The following CORO1C variants were observed in gnomAD, a reference collection of about 807,000 sequenced individuals.
CORO1C encodes the protein coronin 1C, also known as coronin-1C.
Under a neutral mutation model 51.2 loss-of-function variants are expected in CORO1C, and 14 were observed. The observed-to-expected ratio is 0.27, with a 90% confidence interval of 0.18 to 0.43. The LOEUF is 0.43. Among genes scored for constraint, CORO1C ranks in the 20% least tolerant of loss-of-function variants. The pLI, the probability that CORO1C is intolerant of heterozygous loss-of-function variation, is 1.00. For synonymous variants in CORO1C, 181 were observed against 210.5 expected, an observed-to-expected ratio of 0.86 and a Z score of 1.21; for missense variants, 417 against 607.8, an observed-to-expected ratio of 0.69 and a Z score of 3.30.
intron 2 of CORO1C, among the ~76,000 whole-genome samples, chr12:108,679,220 C>CCTA (rs1478565065): frequency 6.7e-6 from 1 of 148,868 alleles, no homozygotes; most frequent in Non-Finnish European, 1.5e-5. Flanking sequence ...GCCTAAAGAG[C>CCTA]CTACTACATT....
intron 7 of CORO1C, among the ~76,000 whole-genome samples, chr12:108,653,702 A>G (rs1330599986): frequency 6.6e-6 from 1 of 152,160 alleles, no homozygotes; most frequent in East Asian, 1.9e-4. Context: ...GAGTCTCCCT[A>G]TAACTGTTAT....
In CORO1C at chr12:108,657,844, C is replaced by T. The variant is rs528396437; in HGVS notation, c.631-421G>A. 4.6e-5 allele frequency among the ~76,000 whole-genome samples: 7 copies of T among 152,310 alleles called. No homozygotes were observed. In the South Asian group the frequency reaches 1.4e-3, roughly 32 times the overall value. On this transcript the variant is annotated intron_variant, in intron 5 of 10. Coordinates refer to ENST00000261401, the MANE Select transcript of CORO1C (RefSeq NM_014325.4). ...CTTGTCTAGTTAACGCTTTCCTTGA[C>T]CTCAGTAGTTTAATGAATGCACTAG...
At chr12:108,725,579 T>C (rs11613321) in intron 1 of CORO1C, among the ~76,000 whole-genome samples, 1 of 152,142 alleles carries the variant, frequency 6.6e-6, no homozygotes, top group Non-Finnish European at 1.5e-5. Flanking sequence ...CCTAAAGGCC[T>C]GCACCCTCAC....
At chr12:108,674,552 TAAAAA>T (rs60922936) in intron 3 of CORO1C, among the ~76,000 whole-genome samples, 2 of 132,598 alleles carry the variant, frequency 1.5e-5, no homozygotes. Flanking sequence ...CGTCTCAATT[TAAAAA>T]AAAAAAAAAA....
chr12:108,661,898 C>T, intron 4 of CORO1C, 131 bp downstream of exon 4: 2 of 994,612 alleles, frequency 2.0e-6, no homozygotes, highest in South Asian at 1.5e-5. Context: ...CACCCCAATA[C>T]TCTTCACCAT....
intron 1 of CORO1C, among the ~76,000 whole-genome samples, chr12:108,726,080 G>A (rs1186189702): frequency 3.3e-5 from 5 of 152,102 alleles, no homozygotes; most frequent in Non-Finnish European, 7.4e-5. Flanking sequence ...TGATCTGCCC[G>A]CCTCAGCTTC....
At chr12:108,676,888 C>T (rs2033927162) in intron 3 of CORO1C, among the ~76,000 whole-genome samples, 1 of 152,118 alleles carries the variant, frequency 6.6e-6, no homozygotes, top group African/African-American at 2.4e-5. Context: ...CAGAACAATT[C>T]CCTTTCACAG....
intron 2 of CORO1C, among the ~76,000 whole-genome samples, chr12:108,687,942 C>T (rs1214500660): frequency 9.1e-5 from 13 of 142,516 alleles, no homozygotes; most frequent in Non-Finnish European, 1.5e-4. Flanking sequence ...TTTTTTGAGA[C>T]GGAGTCTCAC....
At chr12:108,674,166 G>A (rs185366449) in intron 3 of CORO1C, among the ~76,000 whole-genome samples, 19 of 152,254 alleles carry the variant, frequency 1.2e-4, no homozygotes, top group South Asian at 4.1e-4. Context: ...TTGGAACAAG[G>A]AATCATTTTG....
At chr12:108,702,659 CTAACACCTGT>C in intron 1 of CORO1C, 1 of 867,096 alleles carries the variant, frequency 1.2e-6, no homozygotes, top group Non-Finnish European at 1.7e-6. Context: ...CAGAGGAGAG[CTAACACCTGT>C]CCACTCATGC....
At chr12:108,719,821 C>T (rs2035432475) in intron 1 of CORO1C, among the ~76,000 whole-genome samples, 1 of 152,164 alleles carries the variant, frequency 6.6e-6, no homozygotes, top group African/African-American at 2.4e-5. Flanking sequence ...TGGTTCTTGC[C>T]ATATCTATCT....
At chr12:108,702,705 G>A in intron 1 of CORO1C, 2 of 1,334,890 alleles carry the variant, frequency 1.5e-6, no homozygotes, top group East Asian at 2.7e-5. Context: ...GTGGGCTGTT[G>A]CTAATTCCTT....
intron 3 of CORO1C, among the ~76,000 whole-genome samples, chr12:108,665,154 T>G (rs1176042364): frequency 6.6e-6 from 1 of 152,266 alleles, no homozygotes; most frequent in East Asian, 1.9e-4. Context: ...CCTTAAAATA[T>G]GAGGGCAGAA....
At chr12:108,661,864 T>C (rs2033276451) in intron 4 of CORO1C, among the ~76,000 whole-genome samples, 165 bp downstream of exon 4, 1 of 152,150 alleles carries the variant, frequency 6.6e-6, no homozygotes, top group East Asian at 1.9e-4. Flanking sequence ...CACACAAGTA[T>C]GTATGTGGGC....
At chr12:108,703,316 A>G (rs1031944867) in intron 1 of CORO1C, among the ~76,000 whole-genome samples, 1 of 152,266 alleles carries the variant, frequency 6.6e-6, no homozygotes, top group Non-Finnish European at 1.5e-5. Flanking sequence ...CCAACAGAAA[A>G]TTAGACAAAG....
intron 1 of CORO1C, among the ~76,000 whole-genome samples, chr12:108,725,450 T>G (rs1424242182): frequency 6.6e-6 from 1 of 152,208 alleles, no homozygotes; most frequent in African/African-American, 2.4e-5. Flanking sequence ...CCCTGCAAGG[T>G]AAGCCTTTTG....
chr12:108,705,590 A>G (rs2035007170), intron 1 of CORO1C, among the ~76,000 whole-genome samples: 1 of 152,166 alleles, frequency 6.6e-6, no homozygotes, highest in Admixed American at 6.5e-5. Flanking sequence ...TTCCAAAGAT[A>G]GAGAAGAAGG....
chr12:108,682,091 A>G (rs568165532), intron 2 of CORO1C, among the ~76,000 whole-genome samples: 2 of 152,152 alleles, frequency 1.3e-5, no homozygotes, highest in African/African-American at 4.8e-5. Context: ...TAGAATTTAA[A>G]AACTGGCTCA....
intron 3 of CORO1C, among the ~76,000 whole-genome samples, chr12:108,676,666 G>A (rs968939887): frequency 1.3e-5 from 2 of 151,922 alleles, no homozygotes; most frequent in Admixed American, 6.6e-5. Context: ...CAGCTACTCG[G>A]GAGGCTGAGG....
Sources: gnomAD v4.1 joint callset for allele counts (sites outside exome capture counted in the v4.1 genomes callset) on GRCh38, gnomAD v4.1.1 for gene constraint, MANE v1.5 for transcripts, NCBI Gene and HGNC (gene_info 2026-07-23, HGNC 2026-07-21) for gene names.